Variants in FAM167A observed in about 807,000 individuals in gnomAD.
FAM167A encodes protein FAM167A.
FAM167A carries 23 observed loss-of-function variants against 14.9 expected under a neutral mutation model. That is an observed-to-expected ratio of 1.55 (90% CI 1.11 to 2.19). FAM167A has a LOEUF of 2.19. Among genes scored for constraint, FAM167A ranks in the 30% most tolerant of loss-of-function variants. FAM167A has a pLI of 0.00. For missense variants in FAM167A, 401 were observed against 281.5 expected (o/e 1.42, Z -3.04); for synonymous variants, 174 against 117.7 (o/e 1.48, Z -3.10).
chr8:11,475,565 C>A (rs1457383024), intron 1 of FAM167A, among the ~76,000 whole-genome samples: 1 of 152,076 alleles, frequency 6.6e-6, no homozygotes, highest in East Asian at 1.9e-4. Context: ...TTTTACACAT[C>A]ATACTCCTTC....
intron 1 of FAM167A, chr8:11,446,372 C>G (rs1806784287): frequency 6.6e-6 from 1 of 152,180 alleles, no homozygotes; most frequent in African/African-American, 2.4e-5. Flanking sequence ...ATAGTCCACC[C>G]CAACTGGTAA....
At position 11,422,783 on chromosome 8, in the gene FAM167A, A is replaced by T. The variant is rs574462406; in HGVS notation, c.*1590T>A. On this transcript the variant is annotated 3_prime_UTR_variant, in exon 3 of 3. Coordinates refer to ENST00000284486, the MANE Select transcript of FAM167A (RefSeq NM_053279.3). ...CTGAGATTACACAGGAAGAAGTCAC[A>T]GTAGACAGAGCAGCCAGATGCCGTG... The T allele has an allele frequency of 6.6e-6, 1 of 152,396 alleles. No individual in the cohort carries two copies. Among genetic ancestry groups the T allele is most frequent in the Non-Finnish European group, 1.5e-5 (1 of 68,066 alleles). 9.4% of individuals were successfully genotyped at this position (152,396 alleles called of 1,614,324 possible).
Position 11,444,161 on chromosome 8 carries a change from G to A in FAM167A, c.251C>T (p.Pro84Leu). ...GGGGTGCTGCCCAGCCTCTCTCAGG[G>A]GGAGCAAGGGCTCCTGCCCCCCACG... Reference protein sequence around the residue: ...GERGGQEPLLPLREAGQHPPS... With the variant: ...GERGGQEPLLLLREAGQHPPS... Residue 84 changes from proline (P) to leucine (L), a missense_variant, in exon 2 of 3, where the codon CCC becomes CTC. Physicochemically the swap from Pro to Leu is moderately conservative, Grantham distance 98 (BLOSUM62 -3). Coordinates refer to ENST00000284486, the MANE Select transcript of FAM167A (RefSeq NM_053279.3). 1 of 1,613,048 alleles carries A rather than the reference G, an allele frequency of 6.2e-7. No individual in the cohort carries two copies. Among genetic ancestry groups the A allele is most frequent in the South Asian group, 1.1e-5 (1 of 91,020 alleles).
At chr8:11,453,516 G>A (rs1467902433) in intron 1 of FAM167A, among the ~76,000 whole-genome samples, 3 of 152,206 alleles carry the variant, frequency 2.0e-5, no homozygotes, top group Admixed American at 6.5e-5. Flanking sequence ...TAAGGCACGG[G>A]CCCAGTGGCA....
intron 2 of FAM167A, among the ~76,000 whole-genome samples, chr8:11,430,139 C>T (rs922282947): frequency 1.3e-5 from 2 of 152,214 alleles, no homozygotes; most frequent in South Asian, 2.1e-4. Context: ...TTCCAGTCCC[C>T]GCTCCCAGCG....
Position 11,464,763 on chromosome 8 carries a change from C to T in FAM167A, c.-398+1863G>A, listed in dbSNP as rs190597558. ...GCTCCTGTAGGGCCAACGGGGCTTT[C>T]TGTGAGCAAGATTTGCCTAGAGAAC... is the stretch of plus-strand genomic sequence containing the variant. On this transcript the variant is annotated intron_variant, in intron 1 of 2. Transcript: ENST00000284486. Among the ~76,000 whole-genome samples the T allele has an allele frequency of 6.6e-5, 10 of 152,342 alleles. No homozygotes were observed. The East Asian group carries it at 1.7e-3, about 26-fold the overall frequency.
chr8:11,431,917 A>AAAAT, intron 2 of FAM167A, among the ~76,000 whole-genome samples: 2 of 99,494 alleles, frequency 2.0e-5, no homozygotes, highest in Admixed American at 1.2e-4. Flanking sequence ...AAAAAAAAAA[A>AAAAT]AAGGATTTTG....
intron 2 of FAM167A, among the ~76,000 whole-genome samples, chr8:11,437,216 G>A (rs1340720074): frequency 6.6e-6 from 1 of 152,200 alleles, no homozygotes; most frequent in Admixed American, 6.5e-5. Context: ...TTCCTGCTCT[G>A]CTGATTGATC....
At position 11,424,125 on chromosome 8, in the gene FAM167A, G is replaced by T. The variant is rs950574406; in HGVS notation, c.*248C>A. The T allele has an allele frequency of 2.8e-5, 14 of 507,276 alleles. No homozygotes were observed. The highest frequency in any genetic ancestry group is 7.6e-5 in the African/African-American group (4 of 52,364). 31.4% of individuals were successfully genotyped at this position (507,276 alleles called of 1,614,324 possible). On this transcript the variant is annotated 3_prime_UTR_variant, in exon 3 of 3. Coordinates refer to ENST00000284486, the MANE Select transcript of FAM167A (RefSeq NM_053279.3). Reference sequence around the variant, plus strand: ...GAACCCAGGTCTCCTTTAACATCTTGGTTGGAGCGGCCCTTCTGCAGAGCT... The same window carrying T: ...GAACCCAGGTCTCCTTTAACATCTTTGTTGGAGCGGCCCTTCTGCAGAGCT...
chr8:11,468,733 C>G (rs537062826), upstream of FAM167A, among the ~76,000 whole-genome samples: 5 of 152,356 alleles, frequency 3.3e-5, 1 homozygote, highest in African/African-American at 1.2e-4. Flanking sequence ...TGTCCCACCT[C>G]TACCTCCTGG....
At chr8:11,475,352 G>C (rs73209265) in intron 1 of FAM167A, among the ~76,000 whole-genome samples, 1 of 152,146 alleles carries the variant, frequency 6.6e-6, no homozygotes, top group South Asian at 2.1e-4. Flanking sequence ...GAGGAAAAAC[G>C]ATCTGTTGGC....
intron 2 of FAM167A, among the ~76,000 whole-genome samples, chr8:11,429,496 G>A (rs1208914484): frequency 5.3e-5 from 8 of 152,176 alleles, no homozygotes; most frequent in Admixed American, 1.3e-4. Context: ...ACACAGCCCC[G>A]GCTGCAGCCG....
rs771538496 is a variant in FAM167A at position 11,422,117 on chromosome 8, A to G, written c.*2256T>C. ...TGTCTTGATCTTAGTTTCCACCCAG[A>G]GAATGAAGAAAGCAAGCAAGCACTG... On this transcript the variant is annotated 3_prime_UTR_variant, in exon 3 of 3. Transcript: ENST00000284486. 3.4e-6 allele frequency: 1 copy of G among 296,774 alleles called. No individual in the cohort carries two copies. Among genetic ancestry groups the G allele is most frequent in the Non-Finnish European group, 6.2e-6 (1 of 162,294 alleles). The allele number at this position is 296,774 out of a possible 1,614,324, so 18.4% of individuals were successfully genotyped here.
Position 11,436,741 on chromosome 8 carries a change from G to C in FAM167A, c.381+7290C>G, listed in dbSNP as rs538295811. On this transcript the variant is annotated intron_variant, in intron 2 of 2. Transcript: ENST00000284486. ...ACCTGAGAGCCCTCAGAAGACCCCT[G>C]GGGCACAACTGTTGGGATTTCTGGG... is the stretch of plus-strand genomic sequence containing the variant. Among the ~76,000 whole-genome samples the C allele has an allele frequency of 9.8e-5, 15 of 152,330 alleles. No homozygotes were observed. The East Asian group carries it at 2.7e-3, about 27-fold the overall frequency.
intron 2 of FAM167A, chr8:11,434,687 C>T (rs533673996): frequency 4.7e-6 from 1 of 214,486 alleles, no homozygotes; most frequent in African/African-American, 2.3e-5. Context: ...CAGAGTGATG[C>T]ATTCCGAAGA....
chr8:11,456,421 TGGGTGTATGA>T (rs1270412673), intron 1 of FAM167A, among the ~76,000 whole-genome samples: 271 of 126,234 alleles, frequency 2.1e-3, no homozygotes, highest in East Asian at 5.1e-3. Flanking sequence ...GTTGCCTTGC[TGGGTGTATGA>T]GTGTGTGAGT....
At chr8:11,431,919 A>AAAAGAAG (rs1805627512) in intron 2 of FAM167A, among the ~76,000 whole-genome samples, 3 of 139,962 alleles carry the variant, frequency 2.1e-5, no homozygotes, top group Non-Finnish European at 4.6e-5. Context: ...AAAAAAAAAA[A>AAAAGAAG]GGATTTTGTT....
chr8:11,463,508 G>C (rs1375103256), intron 1 of FAM167A, among the ~76,000 whole-genome samples: 1 of 152,206 alleles, frequency 6.6e-6, no homozygotes, highest in Non-Finnish European at 1.5e-5. Context: ...CCTGGAATGA[G>C]GAAACACTGC....
upstream of FAM167A, among the ~76,000 whole-genome samples, chr8:11,469,110 C>T (rs138057595): frequency 3.3e-5 from 5 of 152,260 alleles, no homozygotes; most frequent in African/African-American, 9.6e-5. Context: ...AACGATTTAA[C>T]GCTAAGTAAA....
Sources: allele counts gnomAD v4.1 joint callset (sites outside exome capture counted in the v4.1 genomes callset), GRCh38; gene constraint gnomAD v4.1.1; transcripts MANE v1.5; gene names NCBI Gene and HGNC (gene_info 2026-07-23, HGNC 2026-07-21).